Variants in RCSD1 observed in about 807,000 individuals in gnomAD.
RCSD1 encodes the protein RCSD domain containing 1.
RCSD1 carries 26 observed loss-of-function variants against 42.5 expected under a neutral mutation model. The ratio of observed to expected loss-of-function variants is 0.61; its 90% CI spans 0.45 to 0.85. The LOEUF (loss-of-function observed/expected upper bound fraction) is 0.85, where lower values mean the gene tolerates loss of function less well. RCSD1 is among the 40% of genes least tolerant of loss of function. RCSD1 has a pLI of 0.00. For missense variants in RCSD1, 571 were observed against 528.3 expected (o/e 1.08, Z -0.79); for synonymous variants, 220 against 212.2 (o/e 1.04, Z -0.32).
rs542174688 is a variant in RCSD1, at chr1:167,707,777, G to A, written c.*3081G>A. Among the ~76,000 whole-genome samples, 2 of 151,960 alleles carry A rather than the reference G, an allele frequency of 1.3e-5. No homozygotes were observed. Among genetic ancestry groups the A allele is most frequent in the East Asian group, 1.9e-4 (1 of 5,170 alleles). On this transcript the variant is annotated 3_prime_UTR_variant, in exon 7 of 7. Transcript: ENST00000367854. The stretch of plus-strand genomic sequence containing the variant: ...TGCCTCCTGCATTCAAGCGATTCTC[G>A]TGCCTCAGCCTCCCAAGTACTGCAG...
intron 1 of RCSD1, among the ~76,000 whole-genome samples, chr1:167,644,345 G>A (rs1398312854): frequency 2.6e-5 from 4 of 152,184 alleles, no homozygotes; most frequent in South Asian, 4.2e-4. Context: ...TGGGTGTGGT[G>A]GTGTGCGCCT....
At chr1:167,641,108 G>A (rs1017838026) in intron 1 of RCSD1, among the ~76,000 whole-genome samples, 6 of 152,094 alleles carry the variant, frequency 3.9e-5, no homozygotes, top group African/African-American at 1.4e-4. Flanking sequence ...CATACCCCTA[G>A]TGCCTGGGTC....
In RCSD1 at chr1:167,700,020, T is replaced by C. The variant is rs73035741; in HGVS notation, c.1218+2178T>C. 1.6e-4 allele frequency among the ~76,000 whole-genome samples: 25 copies of C among 152,304 alleles called. 1 individual carries two copies. Among genetic ancestry groups the C allele is most frequent in the Admixed American group, 1.3e-3 (20 of 15,304 alleles). ...ATTTGAAATTCTCCTGTGTATTTTT[T>C]AATTGTATTTCTCTACTCCTTTTCC... On this transcript the variant is annotated intron_variant, in intron 6 of 6. Transcript: ENST00000367854.
At chr1:167,671,036 C>G (rs1658794849) in intron 1 of RCSD1, among the ~76,000 whole-genome samples, 1 of 152,226 alleles carries the variant, frequency 6.6e-6, no homozygotes, top group Admixed American at 6.5e-5. Flanking sequence ...ATGGTCACCA[C>G]TGGGCCCAGT....
intron 1 of RCSD1, among the ~76,000 whole-genome samples, chr1:167,659,096 A>G (rs1658488662): frequency 6.6e-6 from 1 of 152,126 alleles, no homozygotes; most frequent in Non-Finnish European, 1.5e-5. Context: ...CCCACCGCCC[A>G]TCATCTGATA....
At chr1:167,647,165 C>T (rs1658179294) in intron 1 of RCSD1, among the ~76,000 whole-genome samples, 1 of 142,578 alleles carries the variant, frequency 7.0e-6, no homozygotes, top group African/African-American at 2.7e-5. Context: ...GTAGAGGCAA[C>T]AGAATTACTT....
intron 1 of RCSD1, among the ~76,000 whole-genome samples, chr1:167,659,666 C>T (rs1377099719): frequency 6.6e-6 from 1 of 152,206 alleles, no homozygotes; most frequent in Admixed American, 6.5e-5. Flanking sequence ...GATCTTACAG[C>T]TGATACCAGT....
At chr1:167,695,164 G>A (rs1659468492) in intron 5 of RCSD1, among the ~76,000 whole-genome samples, 1 of 152,260 alleles carries the variant, frequency 6.6e-6, no homozygotes, top group African/African-American at 2.4e-5. Flanking sequence ...GAGCCTGCCG[G>A]CTAGGGCCAG....
intron 1 of RCSD1, among the ~76,000 whole-genome samples, chr1:167,646,144 G>A (rs1177937691): frequency 6.6e-6 from 1 of 152,226 alleles, no homozygotes; most frequent in Admixed American, 6.5e-5. Context: ...TTTCCATCTA[G>A]GAGCATGGAG....
intron 1 of RCSD1, among the ~76,000 whole-genome samples, chr1:167,634,158 T>C (rs1266605284): frequency 1.3e-5 from 2 of 152,220 alleles, no homozygotes; most frequent in African/African-American, 4.8e-5. Context: ...TCTCCACCTC[T>C]GGAAGGCTTC....
Position 167,694,192 on chromosome 1 carries a change from C to T in RCSD1, c.364C>T (p.Pro122Ser). ...TATGGTGTCGCCATTTCACAGCCCACCTTCTACCCCCAGCAGCCCTGGTGT... is the reference window on the plus strand; with the variant it reads ...TATGGTGTCGCCATTTCACAGCCCATCTTCTACCCCCAGCAGCCCTGGTGT... ...KAMVSPFHSP[P>S]STPSSPGVRS... is the part of the protein sequence containing the mutation. The change falls in exon 5 of 7, where the codon CCT becomes TCT. Residue 122 changes from proline (P) to serine (S), a missense_variant. Physicochemically the swap from Pro to Ser is moderately conservative, Grantham distance 74. Transcript: ENST00000367854. The T allele has an allele frequency of 1.2e-6, 2 of 1,614,238 alleles. No individual in the cohort carries two copies. Among genetic ancestry groups the T allele is most frequent in the Non-Finnish European group, 1.7e-6 (2 of 1,180,042 alleles).
rs150249673 is a variant in RCSD1, at chr1:167,665,973, G to A, written c.7-17927G>A. On this transcript the variant is annotated intron_variant, in intron 1 of 6. Coordinates refer to ENST00000367854, the MANE Select transcript of RCSD1 (RefSeq NM_052862.4). ...ATTACAGGCGTGTGCCACCACACCC[G>A]GCTAATTTTTGTATTTTTAGTCGAG... Among the ~76,000 whole-genome samples, 374 of 152,146 alleles carry A rather than the reference G, an allele frequency of 2.5e-3. 5 individuals carry two copies. The highest frequency in any genetic ancestry group is 0.016 in the Admixed American group (250 of 15,294).
intron 1 of RCSD1, among the ~76,000 whole-genome samples, chr1:167,670,420 A>G (rs568353584): frequency 1.3e-5 from 2 of 150,726 alleles, no homozygotes; most frequent in Admixed American, 6.6e-5. Flanking sequence ...GTTGAGTTTG[A>G]TCGGCAGCTC....
intron 1 of RCSD1, among the ~76,000 whole-genome samples, chr1:167,670,740 C>T (rs765065957): frequency 7.9e-5 from 12 of 152,186 alleles, no homozygotes; most frequent in Non-Finnish European, 1.3e-4. Context: ...GGCTCCCCCT[C>T]TCTGTAAATG....
chr1:167,691,657 C>G (rs1659380379), intron 4 of RCSD1, among the ~76,000 whole-genome samples: 1 of 152,268 alleles, frequency 6.6e-6, no homozygotes, highest in South Asian at 2.1e-4. Flanking sequence ...CTCTGTACTT[C>G]CCAGCCATGG....
chr1:167,697,162 G>A lies in RCSD1; in HGVS notation c.538G>A (p.Asp180Asn). The A allele has an allele frequency of 6.2e-7, 1 of 1,614,200 alleles. No homozygotes were observed. Among genetic ancestry groups the A allele is most frequent in the South Asian group, 1.1e-5 (1 of 91,080 alleles). Residue 180 changes from aspartate to asparagine, a missense_variant, in exon 6 of 7, where the codon GAC (aspartate) becomes AAC (asparagine). Asp to Asn is a conservative substitution (Grantham distance 23, BLOSUM62 1). Transcript: ENST00000367854. Reference protein sequence around the residue: ...PSRRFRRSQSDCGELGDFRAV... With the variant: ...PSRRFRRSQSNCGELGDFRAV... The stretch of plus-strand genomic sequence containing the variant: ...CAGGCGATTCCGAAGGTCACAGTCA[G>A]ACTGTGGAGAACTTGGAGATTTCAG...
At chr1:167,643,358 T>C (rs766987651) in intron 1 of RCSD1, among the ~76,000 whole-genome samples, 2 of 152,132 alleles carry the variant, frequency 1.3e-5, no homozygotes, top group African/African-American at 2.4e-5. Context: ...ACCTTTCCAA[T>C]ATAGGACAAA....
At chr1:167,651,745 C>T (rs1658312685) in intron 1 of RCSD1, among the ~76,000 whole-genome samples, 1 of 152,180 alleles carries the variant, frequency 6.6e-6, no homozygotes, top group African/African-American at 2.4e-5. Flanking sequence ...GGTGCTAGGT[C>T]TTCCCAGCCA....
intron 1 of RCSD1, among the ~76,000 whole-genome samples, chr1:167,670,406 C>G (rs991148846): frequency 1.3e-5 from 2 of 149,526 alleles, no homozygotes; most frequent in South Asian, 4.2e-4. Context: ...GCCAGACTGA[C>G]AAGGTTGAGT....
Sources: allele counts gnomAD v4.1 joint callset (sites outside exome capture counted in the v4.1 genomes callset), GRCh38; gene constraint gnomAD v4.1.1; transcripts MANE v1.5; gene names NCBI Gene and HGNC (gene_info 2026-07-23, HGNC 2026-07-21).